The following SNAPC3 variants were observed in gnomAD, a reference collection of about 807,000 sequenced individuals.
SNAPC3 encodes the protein small nuclear RNA activating complex polypeptide 3, also known as snRNA-activating protein complex subunit 3.
In SNAPC3, 56 loss-of-function variants were observed where a neutral mutation model predicts 47.7. The observed-to-expected ratio is 1.18, with a 90% CI of 0.95 to 1.47. The LOEUF (loss-of-function observed/expected upper bound fraction) is 1.47. SNAPC3 is among the 40% of genes most tolerant of loss of function. The pLI, the probability that SNAPC3 is intolerant of heterozygous loss-of-function variation, is 0.00. For missense variants in SNAPC3, 665 were observed against 511.3 expected (o/e 1.30, Z -2.90); for synonymous variants, 235 against 189.9 (o/e 1.24, Z -1.95).
chr9:15,463,215 CTTTTTTTTTTTTTTTTTTT>C (rs142971475), downstream of SNAPC3: 1 of 52,164 alleles, frequency 1.9e-5, no homozygotes, highest in East Asian at 6.2e-4. Flanking sequence ...TGGTATGACT[CTTTTTTTTTTTTTTTTTTT>C]TTTTTTTTGA....
intron 1 of SNAPC3, among the ~76,000 whole-genome samples, 166 bp downstream of exon 1, chr9:15,423,359 A>G (rs7038726): frequency 0.051 from 7,735 of 152,284 alleles, 653 homozygotes; most frequent in African/African-American, 0.18. Context: ...CTGGGACACC[A>G]GGAGAAGTCC....
intron 5 of SNAPC3, among the ~76,000 whole-genome samples, chr9:15,448,222 C>G (rs1460437719): frequency 6.6e-6 from 1 of 152,132 alleles, no homozygotes; most frequent in Non-Finnish European, 1.5e-5. Context: ...GTTGGTATAA[C>G]TGAGGTTTCA....
downstream of SNAPC3, chr9:15,462,087 T>C (rs940740980): frequency 6.6e-6 from 1 of 152,212 alleles, no homozygotes; most frequent in Non-Finnish European, 1.5e-5. Flanking sequence ...ATCTTATTCA[T>C]TCATTTCATA....
At chr9:15,456,253 G>A (rs1332088313) in intron 7 of SNAPC3, among the ~76,000 whole-genome samples, 2 of 151,806 alleles carry the variant, frequency 1.3e-5, no homozygotes, top group Non-Finnish European at 2.9e-5. Flanking sequence ...CAGGTGATCC[G>A]CCCATGTCGG....
intron 6 of SNAPC3, among the ~76,000 whole-genome samples, chr9:15,451,965 CT>C (rs1171102866): frequency 2.3e-4 from 11 of 48,536 alleles, no homozygotes; most frequent in Admixed American, 6.7e-4. Context: ...TATTGTTGCC[CT>C]TTTTAAAAAA....
intron 1 of SNAPC3, among the ~76,000 whole-genome samples, chr9:15,423,418 A>G (rs2030868983): frequency 6.6e-6 from 1 of 152,230 alleles, no homozygotes; most frequent in African/African-American, 2.4e-5. Flanking sequence ...GGGACAAGAC[A>G]GCTGCATCAA....
chr9:15,465,738 T>A, downstream of SNAPC3: 1 of 562,478 alleles, frequency 1.8e-6, no homozygotes, highest in South Asian at 2.9e-5. Flanking sequence ...GTCATTATTA[T>A]TTTTTTCTTC....
intron 2 of SNAPC3, 53 bp from the exon 3 acceptor site, chr9:15,433,499 C>T (rs901123165): frequency 2.4e-5 from 26 of 1,105,670 alleles, no homozygotes; most frequent in African/African-American, 1.9e-4. Context: ...TTTTGAAGCC[C>T]GAATAACAAA....
At chr9:15,433,479 TTAAA>T in intron 2 of SNAPC3, 69 bp from the exon 3 acceptor site, 1 of 932,070 alleles carries the variant, frequency 1.1e-6, no homozygotes, top group East Asian at 2.4e-5. Context: ...AACTTGAATG[TTAAA>T]TATGTTTTTG....
At chr9:15,448,378 C>A (rs2034107463) in intron 5 of SNAPC3, among the ~76,000 whole-genome samples, 1 of 151,978 alleles carries the variant, frequency 6.6e-6, no homozygotes, top group Admixed American at 6.6e-5. Flanking sequence ...GTGTACCATA[C>A]TTTTTCATGT....
rs1422999302 is a variant in SNAPC3, at chr9:15,445,471, C to T, written c.582+765C>T. ...TTAAGTCAAGGGTATCTAGGAATCT[C>T]TTAGGAGAAAGAACTCTTTCCTAGG... On this transcript the variant is annotated intron_variant, in intron 4 of 8. Transcript: ENST00000380821. Among the ~76,000 whole-genome samples, 3 of 152,154 alleles carry T rather than the reference C, an allele frequency of 2.0e-5. No homozygotes were observed. In the East Asian group the frequency reaches 5.8e-4, roughly 29 times the overall value.
At position 15,460,759 on chromosome 9, in the gene SNAPC3, A is replaced by G. The variant is rs1004747179; in HGVS notation, c.*893A>G. 6.6e-6 allele frequency: 1 copy of G among 152,258 alleles called. No homozygotes were observed. The highest frequency in any genetic ancestry group is 1.5e-5 in the Non-Finnish European group (1 of 68,044). The allele number at this position is 152,258 out of a possible 1,614,324, so 9.4% of individuals were successfully genotyped here. On this transcript the variant is annotated 3_prime_UTR_variant, in exon 9 of 9. Transcript: ENST00000380821. ...GGTTTTGTTTTGGAGGAAACTAGGC[A>G]TACAAGACATGTTAATAAGACTATG...
At chr9:15,463,579 GACCACACACACAAATTGAGCCAA>G (rs2035392529), downstream of SNAPC3, 1 of 151,862 alleles carries the variant, frequency 6.6e-6, no homozygotes, top group Non-Finnish European at 1.5e-5. Context: ...GTGGAGTTTT[GACCACACACACAAATTGAGCCAA>G]TGAACAATTT....
intron 3 of SNAPC3, among the ~76,000 whole-genome samples, chr9:15,437,932 T>C (rs940076331): frequency 6.6e-6 from 1 of 152,222 alleles, no homozygotes; most frequent in Non-Finnish European, 1.5e-5. Flanking sequence ...TAAAGGGATA[T>C]TGGCCTGTAG....
At chr9:15,462,407 A>G (rs1250946302), downstream of SNAPC3, 1 of 152,194 alleles carries the variant, frequency 6.6e-6, no homozygotes, top group Non-Finnish European at 1.5e-5. Flanking sequence ...GTTCAAGTCA[A>G]AAGAAATTCC....
rs1447530433 is a variant in SNAPC3 at position 15,422,970 on chromosome 9, G to C, written c.91G>C (p.Glu31Gln). 1 of 1,541,370 alleles carries C rather than the reference G, an allele frequency of 6.5e-7. No homozygotes were observed. Among genetic ancestry groups the C allele is most frequent in the Non-Finnish European group, 8.7e-7 (1 of 1,150,088 alleles). The change falls in exon 1 of 9, where the codon GAG becomes CAG. Residue 31 changes from glutamate to glutamine, a missense_variant. Glu to Gln is a conservative substitution (Grantham distance 29, BLOSUM62 2). Transcript: ENST00000380821. ...CGGCAGTGGCGGCTGCAACTTTCCA[G>C]AGTATGAGCTTCCCGAGCTAAATAC... ...VSGSGGCNFP[E>Q]YELPELNTRA...
intron 7 of SNAPC3, among the ~76,000 whole-genome samples, chr9:15,455,141 A>G (rs951570749): frequency 3.9e-5 from 6 of 152,250 alleles, no homozygotes; most frequent in South Asian, 2.1e-4. Context: ...TAAACAAACA[A>G]TTAAGAATGG....
At chr9:15,438,967 T>C (rs2131830793) in intron 3 of SNAPC3, among the ~76,000 whole-genome samples, 1 of 152,344 alleles carries the variant, frequency 6.6e-6, no homozygotes, top group Middle Eastern at 3.4e-3. Context: ...ACCATAGAAC[T>C]GTCTATTTCT....
intron 2 of SNAPC3, among the ~76,000 whole-genome samples, chr9:15,427,627 G>A (rs748022949): frequency 4.6e-5 from 7 of 152,134 alleles, no homozygotes; most frequent in Non-Finnish European, 8.8e-5. Flanking sequence ...TATTACAGGC[G>A]TGAGCCACGA....
Sources: allele counts gnomAD v4.1 joint callset (sites outside exome capture counted in the v4.1 genomes callset), GRCh38; gene constraint gnomAD v4.1.1; transcripts MANE v1.5; gene names NCBI Gene and HGNC (gene_info 2026-07-23, HGNC 2026-07-21).